Variants in KLHL32 observed in about 807,000 individuals in gnomAD.
KLHL32 encodes kelch like family member 32, also known as kelch-like protein 32.
In KLHL32, 35 loss-of-function variants were observed where a neutral mutation model predicts 64.8. The observed-to-expected ratio is 0.54, with a 90% CI of 0.41 to 0.72. The LOEUF is 0.72. Among genes scored for constraint, KLHL32 ranks in the 30% least tolerant of loss-of-function variants. KLHL32 has a pLI of 0.00. For synonymous variants in KLHL32, 259 were observed against 281.0 expected (o/e 0.92, Z 0.78); for missense variants, 589 against 768.5 (o/e 0.77, Z 2.76).
chr6:97,015,898 G>A (rs1781114710), intron 3 of KLHL32, among the ~76,000 whole-genome samples: 1 of 152,146 alleles, frequency 6.6e-6, no homozygotes, highest in Non-Finnish European at 1.5e-5. Flanking sequence ...TGGCTAAAAG[G>A]GACCAAGGTA....
rs1218985405 is a variant in KLHL32 at position 97,140,736 on chromosome 6, C to T, written c.*1454C>T. 3 of 151,774 alleles carry T rather than the reference C, an allele frequency of 2.0e-5. No homozygotes were observed. The highest frequency in any genetic ancestry group is 2.1e-4 in the South Asian group (1 of 4,824). 9.4% of individuals were successfully genotyped at this position (151,774 alleles called of 1,614,324 possible). On this transcript the variant is annotated 3_prime_UTR_variant, in exon 11 of 11. Coordinates refer to ENST00000369261, the MANE Select transcript of KLHL32 (RefSeq NM_052904.4). Reference sequence around the variant, plus strand: ...TTTTGTAATCAAAAGTGAATAAAAACGATCTTTTTGTCTTACAGAATTCAC... The same window carrying T: ...TTTTGTAATCAAAAGTGAATAAAAATGATCTTTTTGTCTTACAGAATTCAC...
chr6:97,128,114 G>A (rs991435175), intron 8 of KLHL32, among the ~76,000 whole-genome samples: 21 of 152,026 alleles, frequency 1.4e-4, no homozygotes, highest in Non-Finnish European at 2.9e-5. Flanking sequence ...TGATTATGAC[G>A]GTATTCCAAA....
chr6:96,986,526 C>T (rs1014946140), intron 3 of KLHL32, among the ~76,000 whole-genome samples: 2 of 152,214 alleles, frequency 1.3e-5, no homozygotes, highest in Non-Finnish European at 2.9e-5. Context: ...CCACCCAATT[C>T]GAGCTTCCTG....
At chr6:97,125,398 G>C (rs1337949338) in intron 7 of KLHL32, among the ~76,000 whole-genome samples, 1 of 152,176 alleles carries the variant, frequency 6.6e-6, no homozygotes, top group African/African-American at 2.4e-5. Flanking sequence ...TATTTGAACT[G>C]TCAAAGCAAA....
Position 97,089,778 on chromosome 6 carries a change from T to TAA in KLHL32, c.627+4453_627+4454dup, listed in dbSNP as rs35560928. 6.7e-4 allele frequency among the ~76,000 whole-genome samples: 91 copies of TAA among 136,278 alleles called. 1 individual carries two copies. The highest frequency in any genetic ancestry group is 1.0e-3 in the Non-Finnish European group (66 of 64,312). The allele number at this position is 136,278 out of a possible 152,430, so 89.4% of individuals were successfully genotyped here. A position where few individuals can be genotyped will look rare whatever the true frequency, so the allele number is the denominator to read the frequency against. Reference sequence around the variant, plus strand: ...TGGGATGATAGAATGAAACTCCAGCTAAAAAAAAAAAAAAAAAGAACAGTA... The same window carrying TAA: ...TGGGATGATAGAATGAAACTCCAGCTAAAAAAAAAAAAAAAAAAAGAACAGTA... On this transcript the variant is annotated intron_variant, in intron 6 of 10. Coordinates refer to ENST00000369261, the MANE Select transcript of KLHL32 (RefSeq NM_052904.4).
At chr6:96,898,275 G>A in the KLHL32 span, among the ~76,000 whole-genome samples, 1 of 152,188 alleles carries the variant, frequency 6.6e-6, no homozygotes, top group Non-Finnish European at 1.5e-5. Flanking sequence ...GTTTCACAGG[G>A]CAATGCCACC....
At chr6:97,029,368 A>G (rs1280193655) in intron 3 of KLHL32, among the ~76,000 whole-genome samples, 1 of 152,230 alleles carries the variant, frequency 6.6e-6, no homozygotes, top group Non-Finnish European at 1.5e-5. Flanking sequence ...AAAAAAAACA[A>G]TATGTAACAT....
intron 2 of KLHL32, among the ~76,000 whole-genome samples, chr6:96,972,681 G>A (rs1775244238): frequency 6.6e-6 from 1 of 152,106 alleles, no homozygotes; most frequent in African/African-American, 2.4e-5. Flanking sequence ...GAAGTTTTAG[G>A]ATATACTTTT....
chr6:97,023,727 A>G (rs1782328542), intron 3 of KLHL32, among the ~76,000 whole-genome samples: 1 of 152,194 alleles, frequency 6.6e-6, no homozygotes, highest in Non-Finnish European at 1.5e-5. Context: ...GCCTAGTTCT[A>G]CATGGATAGT....
At position 97,095,767 on chromosome 6, in the gene KLHL32, T is replaced by C. The variant is rs545857156; in HGVS notation, c.627+10426T>C. Among the ~76,000 whole-genome samples the C allele has an allele frequency of 2.0e-3, 298 of 152,332 alleles. 1 individual carries two copies. The highest frequency in any genetic ancestry group is 3.5e-3 in the Non-Finnish European group (241 of 68,028). ...AGAAGTAAAGTGATCTGCTGAGGAATGCAGCCCTTGAGAAAGTGTGTGTGA... is the reference window on the plus strand; with the variant it reads ...AGAAGTAAAGTGATCTGCTGAGGAACGCAGCCCTTGAGAAAGTGTGTGTGA... On this transcript the variant is annotated intron_variant, in intron 6 of 10. Coordinates refer to ENST00000369261, the MANE Select transcript of KLHL32 (RefSeq NM_052904.4).
intron 6 of KLHL32, among the ~76,000 whole-genome samples, chr6:97,087,909 A>C (rs773337551): frequency 6.6e-6 from 1 of 152,130 alleles, no homozygotes; most frequent in Non-Finnish European, 1.5e-5. Flanking sequence ...CCTTGACAAA[A>C]TGTGTTGTAT....
rs1472544591 is a variant in KLHL32 at position 97,128,910 on chromosome 6, T to G, written c.1413+1448T>G. ...GGGACTGGACTGCTAATGCAAACAT[T>G]GATTCCTAATACTGTAATGGGTTGT... is the stretch of plus-strand genomic sequence containing the variant. On this transcript the variant is annotated intron_variant, in intron 8 of 10. Transcript: ENST00000369261. 6.6e-5 allele frequency among the ~76,000 whole-genome samples: 10 copies of G among 152,350 alleles called. No homozygotes were observed. In the East Asian group the frequency reaches 1.4e-3, roughly 21 times the overall value.
chr6:97,086,468 C>G (rs1250436039), intron 6 of KLHL32, among the ~76,000 whole-genome samples: 6 of 152,114 alleles, frequency 3.9e-5, no homozygotes, highest in African/African-American at 1.4e-4. Flanking sequence ...AGGCTCTCTG[C>G]AAACTTATTG....
chr6:97,052,623 G>A (rs189173489), intron 4 of KLHL32, among the ~76,000 whole-genome samples: 10 of 152,284 alleles, frequency 6.6e-5, no homozygotes, highest in Non-Finnish European at 1.2e-4. Context: ...CTGGCATCTA[G>A]CCTCCCAGCC....
intron 3 of KLHL32, among the ~76,000 whole-genome samples, chr6:97,026,560 C>T (rs1376759870): frequency 6.6e-6 from 1 of 152,070 alleles, no homozygotes; most frequent in East Asian, 1.9e-4. Context: ...AGATGGTCTC[C>T]AGTGGGTATT....
intron 3 of KLHL32, 71 bp downstream of exon 3, chr6:96,976,248 C>G (rs1381977130): frequency 7.2e-7 from 1 of 1,389,998 alleles, no homozygotes; most frequent in African/African-American, 1.4e-5. Context: ...CAAACTGTCA[C>G]TAAACCAGGA....
At chr6:97,056,561 C>T (rs1410970138) in intron 4 of KLHL32, among the ~76,000 whole-genome samples, 1 of 152,168 alleles carries the variant, frequency 6.6e-6, no homozygotes, top group African/African-American at 2.4e-5. Flanking sequence ...CAGAACCCTC[C>T]TGTTTAATCC....
chr6:97,071,865 G>A (rs1029372401), intron 5 of KLHL32, among the ~76,000 whole-genome samples: 12 of 152,184 alleles, frequency 7.9e-5, no homozygotes, highest in African/African-American at 2.9e-4. Flanking sequence ...CCTGCCTGTA[G>A]TCTAATGCTA....
chr6:97,052,586 A>G (rs1787113381), intron 4 of KLHL32, among the ~76,000 whole-genome samples: 1 of 152,250 alleles, frequency 6.6e-6, no homozygotes, highest in African/African-American at 2.4e-5. Flanking sequence ...GTCAGTCCTC[A>G]TGGTTGGTGA....
Sources: allele counts gnomAD v4.1 joint callset (sites outside exome capture counted in the v4.1 genomes callset), GRCh38; gene constraint gnomAD v4.1.1; transcripts MANE v1.5; gene names NCBI Gene and HGNC (gene_info 2026-07-23, HGNC 2026-07-21).